The following SACM1L variants were observed in gnomAD, a reference collection of about 807,000 sequenced individuals.
SACM1L encodes the protein phosphatidylinositol-3-phosphatase SAC1.
Under a neutral mutation model 89.5 loss-of-function variants are expected in SACM1L, and 32 were observed. The observed-to-expected ratio is 0.36, with a 90% CI of 0.27 to 0.48. The LOEUF (loss-of-function observed/expected upper bound fraction) is 0.48. SACM1L is among the 20% of genes least tolerant of loss of function. The pLI, the probability that SACM1L is intolerant of heterozygous loss-of-function variation, is 0.99. For missense variants in SACM1L, 543 were observed against 708.5 expected (o/e 0.77, Z 2.65); for synonymous variants, 213 against 232.8 (o/e 0.92, Z 0.77).
chr3:45,723,043 A>C, intron 10 of SACM1L, 88 bp downstream of exon 10: 2 of 1,121,400 alleles, frequency 1.8e-6, no homozygotes, highest in Non-Finnish European at 2.6e-6. Context: ...TTTATTCCGC[A>C]TAAATCAATG....
At chr3:45,710,758 TA>T (rs890482604) in intron 5 of SACM1L, among the ~76,000 whole-genome samples, 1 of 152,216 alleles carries the variant, frequency 6.6e-6, no homozygotes, top group African/African-American at 2.4e-5. Flanking sequence ...TGGTTCAACC[TA>T]AATTAATATT....
intron 6 of SACM1L, 75 bp downstream of exon 6, chr3:45,713,271 TC>T: frequency 9.0e-7 from 1 of 1,105,600 alleles, no homozygotes; most frequent in Non-Finnish European, 1.3e-6. Context: ...TAAAGTGACT[TC>T]CTAATCACCA....
intron 11 of SACM1L, among the ~76,000 whole-genome samples, chr3:45,725,962 GT>G (rs955693581): frequency 1.3e-5 from 2 of 151,678 alleles, no homozygotes; most frequent in East Asian, 1.9e-4. Flanking sequence ...ATGCTCGTTT[GT>G]TTTTTTTCCC....
At chr3:45,717,544 T>C (rs2742398) in intron 7 of SACM1L, among the ~76,000 whole-genome samples, 95,759 of 152,100 alleles carry the variant, frequency 0.63, 30,583 homozygotes, top group Non-Finnish European at 0.66. Flanking sequence ...GTTTTGAAGT[T>C]GGATGGTAGG....
intron 7 of SACM1L, among the ~76,000 whole-genome samples, chr3:45,714,935 T>A (rs892101482): frequency 6.6e-6 from 1 of 152,230 alleles, no homozygotes; most frequent in African/African-American, 2.4e-5. Flanking sequence ...GGTGGTCCTA[T>A]AAGATTATAA....
At chr3:45,704,284 T>C (rs1698336849) in intron 2 of SACM1L, among the ~76,000 whole-genome samples, 1 of 152,200 alleles carries the variant, frequency 6.6e-6, no homozygotes, top group Non-Finnish European at 1.5e-5. Flanking sequence ...AACCATAGAG[T>C]AGGCATTCAG....
In SACM1L at chr3:45,738,635, A is replaced by G. The variant is rs1699254222; in HGVS notation, c.1440A>G (p.Arg480=). Residue 480 remains arginine, a synonymous_variant, in exon 17 of 20, where the codon CGA becomes CGG. Coordinates refer to ENST00000389061, the MANE Select transcript of SACM1L (RefSeq NM_014016.5). ...LIMDGWNSMI[R]YYKNNFSDGF... is the part of the protein sequence containing the mutation. ...TGGATGGCTGGAACTCAATGATACG[A>G]TATTATAAGAACAACTTTTCCGATG... 1.9e-6 allele frequency: 3 copies of G among 1,612,684 alleles called. No individual in the cohort carries two copies. The highest frequency in any genetic ancestry group is 1.3e-5 in the African/African-American group (1 of 75,014).
intron 14 of SACM1L, among the ~76,000 whole-genome samples, chr3:45,736,484 G>A (rs559759152): frequency 3.9e-5 from 6 of 152,204 alleles, no homozygotes; most frequent in East Asian, 1.9e-4. Flanking sequence ...GTATGATACC[G>A]AGAAAGAAAT....
intron 7 of SACM1L, among the ~76,000 whole-genome samples, chr3:45,717,178 A>C (rs940046678): frequency 6.6e-6 from 1 of 152,170 alleles, no homozygotes; most frequent in Non-Finnish European, 1.5e-5. Context: ...TAGCAGCTCA[A>C]CTCATTGCTG....
intron 3 of SACM1L, 65 bp from the exon 4 acceptor site, chr3:45,706,715 A>ACTC: frequency 7.4e-7 from 1 of 1,346,754 alleles, no homozygotes; most frequent in South Asian, 1.4e-5. Context: ...AACAATAAGG[A>ACTC]CTCCTATTTC....
chr3:45,732,646 A>G (rs1699101329), intron 13 of SACM1L, among the ~76,000 whole-genome samples: 1 of 152,136 alleles, frequency 6.6e-6, no homozygotes, highest in Non-Finnish European at 1.5e-5. Context: ...GAATCATTAT[A>G]TATATTTTAC....
At chr3:45,692,335 A>T (rs2673052) in intron 1 of SACM1L, among the ~76,000 whole-genome samples, 72,945 of 148,330 alleles carry the variant, frequency 0.49, 18,102 homozygotes, top group Middle Eastern at 0.58. Context: ...TTTTTTTATT[A>T]TTTTTGTGAG....
intron 1 of SACM1L, among the ~76,000 whole-genome samples, chr3:45,703,099 A>G (rs1559537895): frequency 6.6e-6 from 1 of 152,194 alleles, no homozygotes; most frequent in South Asian, 2.1e-4. Flanking sequence ...TAACTTGTCT[A>G]AGGTCACACT....
Position 45,738,687 on chromosome 3 carries a change from A to C in SACM1L, c.1476+16A>C, listed in dbSNP as rs1348509145. ...ATTTAGACAAGTAAGTTTGTATTTG[A>C]TGCTTTCCTGGCATTACGTGGTTGT... On this transcript the variant is annotated intron_variant, in intron 17 of 19. Transcript: ENST00000389061. The C allele has an allele frequency of 6.4e-7, 1 of 1,570,076 alleles. No homozygotes were observed. Among genetic ancestry groups the C allele is most frequent in the Non-Finnish European group, 8.8e-7 (1 of 1,140,104 alleles).
chr3:45,703,949 CTA>C (rs532448369), intron 2 of SACM1L, among the ~76,000 whole-genome samples: 86 of 152,170 alleles, frequency 5.7e-4, no homozygotes, highest in East Asian at 5.6e-3. Flanking sequence ...GCTTTCATGA[CTA>C]TGTGGAAATT....
intron 4 of SACM1L, 35 bp downstream of exon 4, chr3:45,706,942 C>G (rs201533862): frequency 3.1e-6 from 5 of 1,605,344 alleles, no homozygotes; most frequent in Non-Finnish European, 4.3e-6. Context: ...TTGCAGCGCC[C>G]AAAGAAGTAG....
intron 4 of SACM1L, 71 bp downstream of exon 4, chr3:45,706,978 G>C: frequency 4.1e-6 from 6 of 1,448,036 alleles, no homozygotes; most frequent in Non-Finnish European, 4.8e-6. Flanking sequence ...GGAGGGTGAG[G>C]GTGTTGTGGA....
chr3:45,738,050 T>G (rs542070732), intron 16 of SACM1L, among the ~76,000 whole-genome samples: 25 of 152,276 alleles, frequency 1.6e-4, no homozygotes, highest in African/African-American at 6.0e-4. Flanking sequence ...GAGATTCTGA[T>G]GCTTGGGGAG....
chr3:45,704,142 C>T (rs574962788), intron 2 of SACM1L, among the ~76,000 whole-genome samples: 7 of 152,106 alleles, frequency 4.6e-5, no homozygotes, highest in South Asian at 2.1e-4. Context: ...TAGATAAATA[C>T]GAAATAATTT....
Sources: gnomAD v4.1 joint callset for allele counts (sites outside exome capture counted in the v4.1 genomes callset) on GRCh38, gnomAD v4.1.1 for gene constraint, MANE v1.5 for transcripts, NCBI Gene and HGNC (gene_info 2026-07-23, HGNC 2026-07-21) for gene names.